Variants in TFAP2E observed in about 807,000 individuals in gnomAD.
The protein encoded by TFAP2E is transcription factor AP-2-epsilon.
Under a neutral mutation model 37.9 loss-of-function variants are expected in TFAP2E, and 30 were observed. The observed-to-expected ratio is 0.79, with a 90% CI of 0.59 to 1.07. The LOEUF is 1.07. Among genes scored for constraint, TFAP2E ranks in the 50% least tolerant of loss-of-function variants. The probability of loss-of-function intolerance (pLI) is 0.00; values close to 1 mark genes in which losing one functional copy is unlikely to be tolerated. For missense variants in TFAP2E, 567 were observed against 637.9 expected, an observed-to-expected ratio of 0.89 and a Z score of 1.20; for synonymous variants, 318 against 295.8, an observed-to-expected ratio of 1.08 and a Z score of -0.77.
chr1:35,575,039 G>T (rs1046637939), intron 3 of TFAP2E, 39 bp downstream of exon 3: 1 of 1,613,032 alleles, frequency 6.2e-7, no homozygotes, highest in Admixed American at 1.7e-5. Flanking sequence ...CGGCGAGATG[G>T]TGCAGGCCCT....
chr1:35,587,406 G>A (rs1048189388), intron 3 of TFAP2E, among the ~76,000 whole-genome samples: 25 of 152,062 alleles, frequency 1.6e-4, no homozygotes, highest in African/African-American at 5.6e-4. Context: ...TTGGGAGGCC[G>A]AGGCGGGTGG....
rs1159476605 is a variant in TFAP2E, at chr1:35,573,392, T to C, written c.-186T>C. ...TCAGTGCCCGTCCGTCCTGCCTCCA[T>C]GGACCCGCCCGGGAACGGCCACCGC... On this transcript the variant is annotated 5_prime_UTR_variant, in exon 1 of 7. It removes an upstream start codon present in the reference 5' UTR. Coordinates refer to ENST00000373235, the MANE Select transcript of TFAP2E (RefSeq NM_178548.4). This position sits in a 1 kb window ranked among gnomAD's most constrained non-coding sequence, Gnocchi z 5.9. 1.4e-6 allele frequency: 1 copy of C among 711,168 alleles called. No homozygotes were observed. The highest frequency in any genetic ancestry group is 2.1e-6 in the Non-Finnish European group (1 of 481,910). 44.1% of individuals were successfully genotyped at this position (711,168 alleles called of 1,614,324 possible).
intron 3 of TFAP2E, among the ~76,000 whole-genome samples, chr1:35,584,628 C>T (rs1455709169): frequency 1.3e-5 from 2 of 152,114 alleles, no homozygotes; most frequent in Non-Finnish European, 2.9e-5. Flanking sequence ...ACCTCTGCCT[C>T]TTGGGCTCAA....
At chr1:35,592,244 C>T (rs1032938759) in intron 6 of TFAP2E, among the ~76,000 whole-genome samples, 4 of 150,890 alleles carry the variant, frequency 2.7e-5, no homozygotes, top group South Asian at 2.1e-4. Flanking sequence ...ATGATTGCAT[C>T]GCTGTACTCT....
rs757213879 is a variant in TFAP2E at position 35,589,188 on chromosome 1, C to CTGTGTG, written c.785+679_785+684dup. On this transcript the variant is annotated intron_variant, in intron 4 of 6. Transcript: ENST00000373235. ...TGTGTGGCCTAGGGTGTGTCCTGCT[C>CTGTGTG]TGTGTGTGTGTGTGTGTGTGTGTGT... Among the ~76,000 whole-genome samples the CTGTGTG allele has an allele frequency of 8.8e-3, 1,114 of 125,994 alleles. 11 individuals are homozygous for CTGTGTG. The highest frequency in any genetic ancestry group is 0.013 in the Middle Eastern group (3 of 238). 82.7% of individuals were successfully genotyped at this position (125,994 alleles called of 152,430 possible).
At chr1:35,591,168 T>G (rs1394231974) in intron 6 of TFAP2E, among the ~76,000 whole-genome samples, 1 of 152,140 alleles carries the variant, frequency 6.6e-6, no homozygotes, top group Non-Finnish European at 1.5e-5. Context: ...TATGGGTATA[T>G]TTGGGCATCA....
At chr1:35,579,886 G>A (rs959916679) in intron 3 of TFAP2E, among the ~76,000 whole-genome samples, 1 of 152,086 alleles carries the variant, frequency 6.6e-6, no homozygotes, top group African/African-American at 2.4e-5. Flanking sequence ...CTTGGAGCAG[G>A]GGAGTGAAGG....
At chr1:35,592,385 A>G (rs1394195960) in intron 6 of TFAP2E, among the ~76,000 whole-genome samples, 1 of 152,108 alleles carries the variant, frequency 6.6e-6, no homozygotes, top group Non-Finnish European at 1.5e-5. Context: ...GTAGCTTATA[A>G]ACAACAGAAA....
chr1:35,585,751 G>A (rs1649462620), intron 3 of TFAP2E, among the ~76,000 whole-genome samples: 1 of 151,854 alleles, frequency 6.6e-6, no homozygotes. Context: ...TCTTTTTACT[G>A]TTTAAAATGT....
chr1:35,589,178 G>A (rs1318955170), intron 4 of TFAP2E, among the ~76,000 whole-genome samples: 7 of 149,818 alleles, frequency 4.7e-5, no homozygotes, highest in Non-Finnish European at 8.9e-5. Context: ...GGCCTAGGGT[G>A]TGTCCTGCTC....
intron 3 of TFAP2E, among the ~76,000 whole-genome samples, chr1:35,587,015 C>A (rs1649501208): frequency 6.6e-6 from 1 of 152,206 alleles, no homozygotes; most frequent in African/African-American, 2.4e-5. Flanking sequence ...CATCAGTCTC[C>A]TCATCTGTAA....
chr1:35,574,078 C>A lies in TFAP2E; in HGVS notation c.179C>A (p.Pro60Gln), dbSNP rs1006487877. Residue 60 changes from proline (P) to glutamine (Q), a missense_variant, in exon 2 of 7, where the codon CCG becomes CAG. Physicochemically the swap from Pro to Gln is moderately conservative, Grantham distance 76 (BLOSUM62 -1). Around this residue, in one of 3 missense-constraint regions of TFAP2E, gnomAD observed 312 missense variants for 317.4 expected, o/e 0.98. Transcript: ENST00000373235. ...FQPPYFPPPY[P>Q]QPPLPYGQAP... ...CCGCCCTACTTCCCGCCGCCCTACC[C>A]GCAGCCACCGCTGCCCTACGGTCAG... is the stretch of plus-strand genomic sequence containing the variant. 2 of 1,478,360 alleles carry A rather than the reference C, an allele frequency of 1.4e-6. No homozygotes were observed. The highest frequency in any genetic ancestry group is 2.5e-5 in the South Asian group (2 of 80,056). 91.6% of individuals were successfully genotyped at this position (1,478,360 alleles called of 1,614,324 possible).
At chr1:35,575,314 C>A (rs1649139211) in intron 3 of TFAP2E, among the ~76,000 whole-genome samples, 1 of 152,254 alleles carries the variant, frequency 6.6e-6, no homozygotes, top group African/African-American at 2.4e-5. Context: ...AAACCACTTC[C>A]CTGTTTCCCT....
chr1:35,573,755 C>CGCTGT lies in TFAP2E; in HGVS notation c.27+152_27+156dup. 1 of 1,387,546 alleles carries CGCTGT rather than the reference C, an allele frequency of 7.2e-7. No homozygotes were observed. Among genetic ancestry groups the CGCTGT allele is most frequent in the Admixed American group, 2.9e-5 (1 of 34,366 alleles). The allele number at this position is 1,387,546 out of a possible 1,614,324, so 86.0% of individuals were successfully genotyped here. A position where few individuals can be genotyped will look rare whatever the true frequency, so the allele number is the denominator to read the frequency against. On this transcript the variant is annotated intron_variant, in intron 1 of 6. Coordinates refer to ENST00000373235, the MANE Select transcript of TFAP2E (RefSeq NM_178548.4). This position sits in a 1 kb window ranked among gnomAD's most constrained non-coding sequence, Gnocchi z 5.9. ...GCTGAGAACGCGATGCGCAAGTGAC[C>CGCTGT]GCTGTCCCCAGCCTGAGGCTCCTGC... is the stretch of plus-strand genomic sequence containing the variant.
intron 2 of TFAP2E, 28 bp downstream of exon 2, chr1:35,574,437 C>T: frequency 7.3e-7 from 1 of 1,378,414 alleles, no homozygotes; most frequent in Non-Finnish European, 9.3e-7. Context: ...CGGGATGGGT[C>T]GGGACTGGCC....
chr1:35,578,049 A>C (rs950977153), intron 3 of TFAP2E, among the ~76,000 whole-genome samples: 8 of 152,102 alleles, frequency 5.3e-5, no homozygotes, highest in Non-Finnish European at 1.2e-4. Context: ...AGCTCAGAGG[A>C]GGCGCGGAGA....
chr1:35,588,291 G>T lies in TFAP2E; in HGVS notation c.563-39G>T. On this transcript the variant is annotated intron_variant, in intron 3 of 6. Transcript: ENST00000373235. This position sits in a 1 kb window ranked among gnomAD's most constrained non-coding sequence, Gnocchi z 5.1. ...GACCCTCCCTTGAGTGGGGCTGTGT[G>T]CGGCAGCCACTGGCTCAGCGTTTCC... 1 of 1,569,764 alleles carries T rather than the reference G, an allele frequency of 6.4e-7. No individual in the cohort carries two copies.
intron 3 of TFAP2E, among the ~76,000 whole-genome samples, chr1:35,578,082 C>T (rs904537860): frequency 2.6e-5 from 4 of 151,994 alleles, no homozygotes; most frequent in Admixed American, 2.6e-4. Context: ...GGGTGAGTGC[C>T]TAGAGGGGAG....
At chr1:35,585,087 G>C (rs1276635502) in intron 3 of TFAP2E, among the ~76,000 whole-genome samples, 1 of 152,068 alleles carries the variant, frequency 6.6e-6, no homozygotes, top group Non-Finnish European at 1.5e-5. Flanking sequence ...GCAGGGGAGA[G>C]AAGCTCTGCA....
Sources: allele counts gnomAD v4.1 joint callset (sites outside exome capture counted in the v4.1 genomes callset), GRCh38; gene constraint gnomAD v4.1.1; regional missense constraint gnomAD v4.1.1; non-coding constraint Gnocchi (gnomAD v3.1); transcripts MANE v1.5; gene names NCBI Gene and HGNC (gene_info 2026-07-23, HGNC 2026-07-21).